Variants in PARD3B observed in about 807,000 individuals in gnomAD.
PARD3B encodes par-3 family cell polarity regulator beta.
PARD3B carries 103 observed loss-of-function variants against 130.2 expected under a neutral mutation model. The ratio of observed to expected loss-of-function variants is 0.79; its 90% CI spans 0.67 to 0.93. The LOEUF (loss-of-function observed/expected upper bound fraction) is 0.93. PARD3B is among the 40% of genes least tolerant of loss of function. PARD3B has a pLI of 0.00. For synonymous variants in PARD3B, 583 were observed against 553.2 expected (o/e 1.05, Z -0.76); for missense variants, 1,609 against 1,499.2 (o/e 1.07, Z -1.21).
chr2:204,839,007 G>T (rs568533141), intron 2 of PARD3B, among the ~76,000 whole-genome samples: 1 of 152,216 alleles, frequency 6.6e-6, no homozygotes, highest in South Asian at 2.1e-4. Flanking sequence ...TAACCATGAA[G>T]TTAAAGTCAT....
chr2:205,413,213 T>A (rs1458535294), intron 19 of PARD3B, among the ~76,000 whole-genome samples: 3 of 152,130 alleles, frequency 2.0e-5, no homozygotes, highest in Non-Finnish European at 4.4e-5. Flanking sequence ...AAAATTTACA[T>A]AACATGAAAT....
chr2:204,604,364 A>T (rs1422878236), intron 1 of PARD3B, among the ~76,000 whole-genome samples: 4 of 152,178 alleles, frequency 2.6e-5, no homozygotes, highest in African/African-American at 9.6e-5. Flanking sequence ...AGAAAATACA[A>T]TCTGCAGTCT....
At position 205,281,068 on chromosome 2, in the gene PARD3B, G is replaced by A. The variant is rs2041167870; in HGVS notation, c.2186-19462G>A. On this transcript the variant is annotated intron_variant, in intron 16 of 22. Coordinates refer to ENST00000406610, the MANE Select transcript of PARD3B (RefSeq NM_001302769.2). The surrounding 1 kb of genome is among the most constrained non-coding windows in gnomAD (Gnocchi z 4.2). ...GCTCTGCCATTTTCGATGCTCTGGT[G>A]TCACCCATGGCAACAATATTTAGGG... is the stretch of plus-strand genomic sequence containing the variant. 6.6e-6 allele frequency among the ~76,000 whole-genome samples: 1 copy of A among 152,162 alleles called. No individual in the cohort carries two copies. The highest frequency in any genetic ancestry group is 1.5e-5 in the Non-Finnish European group (1 of 68,038).
At chr2:204,882,859 A>G (rs1012981347) in intron 2 of PARD3B, among the ~76,000 whole-genome samples, 2 of 152,190 alleles carry the variant, frequency 1.3e-5, no homozygotes, top group African/African-American at 2.4e-5. Context: ...TTAACCTACA[A>G]TACCATCAAA....
chr2:205,422,338 A>G (rs1244586483), intron 19 of PARD3B, among the ~76,000 whole-genome samples: 1 of 152,164 alleles, frequency 6.6e-6, no homozygotes, highest in Non-Finnish European at 1.5e-5. Context: ...CATCGTAGGG[A>G]GCTTAGATTT....
At position 205,226,241 on chromosome 2, in the gene PARD3B, T is replaced by C. The variant is rs576222368; in HGVS notation, c.2141-19537T>C. ...TGTTTTTAGTAGAGACGAGGTTTCA[T>C]CGTGTTAGCCAGGATGGTCTCGATC... On this transcript the variant is annotated intron_variant, in intron 15 of 22. Coordinates refer to ENST00000406610, the MANE Select transcript of PARD3B (RefSeq NM_001302769.2). 6.5e-3 allele frequency among the ~76,000 whole-genome samples: 992 copies of C among 152,092 alleles called. 4 individuals carry two copies. The highest frequency in any genetic ancestry group is 0.01 in the Non-Finnish European group (703 of 67,974).
rs1696111429 is a variant in PARD3B, at chr2:205,015,913, G to T, written c.395-31668G>T. 6.6e-6 allele frequency among the ~76,000 whole-genome samples: 1 copy of T among 152,098 alleles called. No individual in the cohort carries two copies. Among genetic ancestry groups the T allele is most frequent in the African/African-American group, 2.4e-5 (1 of 41,404 alleles). On this transcript the variant is annotated intron_variant, in intron 3 of 22. Coordinates refer to ENST00000406610, the MANE Select transcript of PARD3B (RefSeq NM_001302769.2). The surrounding 1 kb of genome is among the most constrained non-coding windows in gnomAD (Gnocchi z 4.5). ...ATGTCTGAAACCTGCAGCCTTGCCT[G>T]CCTACCTAGACCGTTTCTGCACTCC...
chr2:204,679,404 G>A (rs889048683), intron 1 of PARD3B, among the ~76,000 whole-genome samples: 1 of 152,098 alleles, frequency 6.6e-6, no homozygotes, highest in Non-Finnish European at 1.5e-5. Context: ...GTTACTGCCA[G>A]TTTTCCAAAG....
chr2:204,554,753 G>C (rs147683929), intron 1 of PARD3B, among the ~76,000 whole-genome samples: 17 of 151,836 alleles, frequency 1.1e-4, no homozygotes, highest in Admixed American at 3.3e-4. Context: ...TCTTCCAATG[G>C]TGCACATCTC....
chr2:205,330,255 C>T (rs1422060900), intron 18 of PARD3B, among the ~76,000 whole-genome samples: 4 of 151,950 alleles, frequency 2.6e-5, no homozygotes, highest in South Asian at 2.1e-4. Context: ...GGAGGAGAAT[C>T]GCTTGAACCT....
intron 1 of PARD3B, among the ~76,000 whole-genome samples, chr2:204,551,844 T>C (rs1334578064): frequency 6.6e-6 from 1 of 152,230 alleles, no homozygotes; most frequent in African/African-American, 2.4e-5. Context: ...GAGTGGACTG[T>C]TAAAGACATC....
chr2:204,783,772 C>T (rs560956626), intron 2 of PARD3B, among the ~76,000 whole-genome samples: 1 of 152,170 alleles, frequency 6.6e-6, no homozygotes, highest in East Asian at 1.9e-4. Flanking sequence ...ACCTAAGCAG[C>T]CTGGCTTCAG....
At chr2:205,163,638 A>G (rs1370314987) in intron 11 of PARD3B, among the ~76,000 whole-genome samples, 1 of 152,216 alleles carries the variant, frequency 6.6e-6, no homozygotes, top group African/African-American at 2.4e-5. Flanking sequence ...TAGAATATCC[A>G]GAAACATGGC....
intron 2 of PARD3B, among the ~76,000 whole-genome samples, chr2:204,895,946 A>T (rs2046626635): frequency 6.6e-6 from 1 of 152,204 alleles, no homozygotes; most frequent in African/African-American, 2.4e-5. Context: ...TAAACAAAGG[A>T]TAGTACTATT....
At chr2:204,777,273 C>T (rs79325269) in intron 2 of PARD3B, among the ~76,000 whole-genome samples, 8,994 of 152,150 alleles carry the variant, frequency 0.059, 445 homozygotes, top group East Asian at 0.16. Context: ...TTTAAATATA[C>T]TGAACATTTA....
rs993985440 is a variant in PARD3B at position 205,575,288 on chromosome 2, A to C, written c.3260+21885A>C. 2.0e-5 allele frequency among the ~76,000 whole-genome samples: 3 copies of C among 152,094 alleles called. No individual in the cohort carries two copies. The highest frequency in any genetic ancestry group is 2.4e-5 in the African/African-American group (1 of 41,414). ...TACACAGATTTCTCATAAACCTGCCACCTCAACACATGCGTAACTTCCCTC... is the reference window on the plus strand; with the variant it reads ...TACACAGATTTCTCATAAACCTGCCCCCTCAACACATGCGTAACTTCCCTC... On this transcript the variant is annotated intron_variant, in intron 22 of 22. Coordinates refer to ENST00000406610, the MANE Select transcript of PARD3B (RefSeq NM_001302769.2). This position sits in a 1 kb window ranked among gnomAD's most constrained non-coding sequence, Gnocchi z 4.6.
intron 1 of PARD3B, among the ~76,000 whole-genome samples, chr2:204,672,700 A>C (rs2036362957): frequency 6.6e-6 from 1 of 152,052 alleles, no homozygotes; most frequent in Admixed American, 6.6e-5. Context: ...CGTGTGAAAA[A>C]CTTGCCTACC....
chr2:205,196,118 C>T (rs2036668892), intron 15 of PARD3B, among the ~76,000 whole-genome samples: 2 of 152,134 alleles, frequency 1.3e-5, no homozygotes, highest in Non-Finnish European at 2.9e-5. Flanking sequence ...TATTCCCATC[C>T]CTTTTACCTA....
chr2:205,335,323 A>G (rs2043273120), intron 18 of PARD3B, among the ~76,000 whole-genome samples: 1 of 152,186 alleles, frequency 6.6e-6, no homozygotes, highest in Admixed American at 6.5e-5. Flanking sequence ...GCTCTTGTAT[A>G]TCTCTAAGGC....
Sources: allele counts gnomAD v4.1 joint callset (sites outside exome capture counted in the v4.1 genomes callset), GRCh38; gene constraint gnomAD v4.1.1; non-coding constraint Gnocchi (gnomAD v3.1); transcripts MANE v1.5; gene names NCBI Gene and HGNC (gene_info 2026-07-23, HGNC 2026-07-21).